ZNF717: variants seen among roughly 807,000 people sequenced by gnomAD.
ZNF717 encodes krueppel-like factor X17.
Under a neutral mutation model 13.8 loss-of-function variants are expected in ZNF717, and 9 were observed. The observed-to-expected ratio is 0.65, with a 90% CI of 0.39 to 1.14. The LOEUF is 1.14. Ranked by LOEUF, ZNF717 falls within the 50% of genes most tolerant of loss-of-function variation. The probability of loss-of-function intolerance (pLI) is 0.01; values close to 1 mark genes in which losing one functional copy is unlikely to be tolerated. For synonymous variants in ZNF717, 327 were observed against 364.1 expected (o/e 0.90, Z 1.16); for missense variants, 1,040 against 1,080.7 (o/e 0.96, Z 0.53).
downstream of ZNF717, among the ~76,000 whole-genome samples, chr3:75,735,635 TAAAAAAAA>T (rs149366090): frequency 1.3e-5 from 1 of 79,850 alleles, no homozygotes; most frequent in South Asian, 5.9e-4. Flanking sequence ...ACTGTCTCAA[TAAAAAAAA>T]AAAAAAAAAA....
intron 2 of ZNF717, among the ~76,000 whole-genome samples, chr3:75,767,671 G>A (rs1276859291): frequency 3.3e-5 from 5 of 152,236 alleles, no homozygotes; most frequent in African/African-American, 9.6e-5. Flanking sequence ...GCCACAATAC[G>A]GAAACTGAAA....
In ZNF717 at chr3:75,737,751, A is replaced by G; in HGVS notation, c.1872T>C (p.Cys624=). The G allele has an allele frequency of 6.4e-7, 1 of 1,550,820 alleles. No homozygotes were observed. The highest frequency in any genetic ancestry group is 8.7e-7 in the Non-Finnish European group (1 of 1,146,180). ...TGERPYECNE[C]GKTFRQKSNL... is the part of the protein sequence containing the mutation. ...TTGACTTCTGACGAAAGGTTTTTCC[A>G]CATTCATTACATTCATAGGGTCTTT... is the stretch of plus-strand genomic sequence containing the variant. The change falls in exon 5 of 5, where the codon TGT becomes TGC. Residue 624 remains cysteine (C), a synonymous_variant. Transcript: ENST00000652011.
chr3:75,782,612 G>A (rs4974313), intron 2 of ZNF717, among the ~76,000 whole-genome samples: 25,379 of 151,352 alleles, frequency 0.17, 2,106 homozygotes, highest in African/African-American at 0.18. Flanking sequence ...CATACCTTAT[G>A]ATGGAAGCTG....
chr3:75,778,690 G>T (rs1944545888), intron 2 of ZNF717, among the ~76,000 whole-genome samples: 1 of 151,826 alleles, frequency 6.6e-6, no homozygotes, highest in Non-Finnish European at 1.5e-5. Context: ...CAAAACAATG[G>T]GAGTGACGTG....
intron 4 of ZNF717, among the ~76,000 whole-genome samples, chr3:75,724,843 A>C (rs1310432773): frequency 1.3e-5 from 2 of 152,250 alleles, no homozygotes; most frequent in Admixed American, 1.3e-4. Flanking sequence ...TTATGATAGA[A>C]AGAGTATTAT....
At chr3:75,756,207 G>A (rs1468656377) in intron 2 of ZNF717, among the ~76,000 whole-genome samples, 1 of 152,170 alleles carries the variant, frequency 6.6e-6, no homozygotes, top group Non-Finnish European at 1.5e-5. Context: ...CATTGTTTTG[G>A]GAACCACAAA....
intron 2 of ZNF717, among the ~76,000 whole-genome samples, chr3:75,765,911 C>T (rs1168258373): frequency 2.0e-5 from 3 of 152,094 alleles, no homozygotes; most frequent in Admixed American, 2.0e-4. Context: ...GAGTTCAAGA[C>T]CAGCCTGTGC....
At chr3:75,719,970 A>AAATAAT (rs200443242) in intron 4 of ZNF717, among the ~76,000 whole-genome samples, 10,897 of 146,096 alleles carry the variant, frequency 0.075, 666 homozygotes, top group African/African-American at 0.14. Flanking sequence ...AAATAATAAT[A>AAATAAT]AATAATAATA....
chr3:75,767,867 G>T (rs1483475097), intron 2 of ZNF717, among the ~76,000 whole-genome samples: 1 of 150,554 alleles, frequency 6.6e-6, no homozygotes, highest in Non-Finnish European at 1.5e-5. Flanking sequence ...GTCTCAAAAG[G>T]CCAAAGTAAA....
chr3:75,735,074 C>T (rs74914137), downstream of ZNF717, among the ~76,000 whole-genome samples: 3 of 152,196 alleles, frequency 2.0e-5, no homozygotes, highest in African/African-American at 7.2e-5. Flanking sequence ...ATCCACCTGT[C>T]TCAGCCTCCC....
intron 4 of ZNF717, among the ~76,000 whole-genome samples, chr3:75,723,061 T>G (rs1253330817): frequency 3.9e-5 from 6 of 152,166 alleles, no homozygotes; most frequent in Non-Finnish European, 7.3e-5. Flanking sequence ...GTTCCAAATA[T>G]TGATACACTT....
At chr3:75,730,073 A>G (rs1173566253) in exon 6 of ZNF717, 1 of 152,340 alleles carries the variant, frequency 6.6e-6, no homozygotes, top group Non-Finnish European at 1.5e-5. Flanking sequence ...TGTACTTACA[A>G]ATTAATAACT....
chr3:75,774,505 G>C (rs1432032196), intron 2 of ZNF717, among the ~76,000 whole-genome samples: 2 of 151,778 alleles, frequency 1.3e-5, no homozygotes. Flanking sequence ...AGTCACGTGG[G>C]AAGCACTGTC....
chr3:75,740,408 A>G (rs1472456089), intron 4 of ZNF717, among the ~76,000 whole-genome samples: 1 of 151,770 alleles, frequency 6.6e-6, no homozygotes, highest in African/African-American at 2.4e-5. Flanking sequence ...CAGCTTCATA[A>G]TTTCCTTCCG....
In ZNF717 at chr3:75,736,681, T is replaced by C. The variant is rs2107002081; in HGVS notation, c.*197A>G. The C allele has an allele frequency of 5.2e-6, 3 of 577,576 alleles. No individual in the cohort carries two copies. Among genetic ancestry groups the C allele is most frequent in the Non-Finnish European group, 8.8e-6 (3 of 339,898 alleles). 35.8% of individuals were successfully genotyped at this position (577,576 alleles called of 1,614,324 possible). On this transcript the variant is annotated 3_prime_UTR_variant, in exon 5 of 5. Coordinates refer to ENST00000652011, the MANE Select transcript of ZNF717 (RefSeq NM_001290208.3). ...ATATGAGCTTCTAGGAAAACAGCCA[T>C]ATCTGTGACATTAAAGTGCAAAGTG...
intron 4 of ZNF717, among the ~76,000 whole-genome samples, chr3:75,721,234 T>C (rs1938159658): frequency 6.6e-6 from 1 of 152,228 alleles, no homozygotes; most frequent in Admixed American, 6.5e-5. Context: ...ATAGAATTAA[T>C]GCCTAAATAT....
At chr3:75,759,750 A>C (rs1054406551) in intron 2 of ZNF717, among the ~76,000 whole-genome samples, 3 of 151,144 alleles carry the variant, frequency 2.0e-5, no homozygotes, top group Admixed American at 1.3e-4. Context: ...TTGATTTTTA[A>C]TAGAGATGGG....
chr3:75,775,851 CAAAAA>C (rs56879372), intron 2 of ZNF717, among the ~76,000 whole-genome samples: 150 of 79,194 alleles, frequency 1.9e-3, no homozygotes, highest in African/African-American at 4.9e-3. Context: ...GACTCTGTCT[CAAAAA>C]AAAAAAAAAA....
Position 75,758,010 on chromosome 3 carries a change from T to C in ZNF717, c.58-16274A>G, listed in dbSNP as rs1175717343. On this transcript the variant is annotated intron_variant, in intron 2 of 4. Coordinates refer to ENST00000652011, the MANE Select transcript of ZNF717 (RefSeq NM_001290208.3). ...GGGGATGCCTGTAATCCGAAATACT[T>C]GGGAGGCTGAGGCAGGAGAATTGCT... Among the ~76,000 whole-genome samples the C allele has an allele frequency of 2.0e-5, 3 of 146,854 alleles. No homozygotes were observed. In the East Asian group the frequency reaches 6.0e-4, roughly 29 times the overall value.
Sources: allele counts gnomAD v4.1 joint callset (sites outside exome capture counted in the v4.1 genomes callset), GRCh38; gene constraint gnomAD v4.1.1; transcripts MANE v1.5; gene names NCBI Gene and HGNC (gene_info 2026-07-23, HGNC 2026-07-21).